The following LUZP2 variants were observed in gnomAD, a reference collection of about 807,000 sequenced individuals.
LUZP2 encodes the protein leucine zipper protein 2.
LUZP2 carries 52 observed loss-of-function variants against 51.6 expected under a neutral mutation model. The observed-to-expected ratio is 1.01, with a 90% CI of 0.81 to 1.27. The LOEUF is 1.27. LUZP2 is among the 50% of genes most tolerant of loss of function. The pLI is 0.00. For missense variants in LUZP2, 436 were observed against 395.4 expected, an observed-to-expected ratio of 1.10 and a Z score of -0.87; for synonymous variants, 154 against 137.3, an observed-to-expected ratio of 1.12 and a Z score of -0.85.
At chr11:24,906,662 A>G (rs1039283857) in intron 6 of LUZP2, among the ~76,000 whole-genome samples, 1 of 152,112 alleles carries the variant, frequency 6.6e-6, no homozygotes, top group Non-Finnish European at 1.5e-5. Context: ...AGTAATATCA[A>G]TGAAATAGGA....
At chr11:24,543,821 C>CAAAAAAA (rs1407050931) in intron 1 of LUZP2, among the ~76,000 whole-genome samples, 1 of 2,768 alleles carries the variant, frequency 3.6e-4, no homozygotes, top group African/African-American at 1.8e-3. Flanking sequence ...GACTCTGTCT[C>CAAAAAAA]ACAAAAAAAA....
chr11:24,815,128 T>G (rs1242532051), intron 5 of LUZP2, among the ~76,000 whole-genome samples: 1 of 152,230 alleles, frequency 6.6e-6, no homozygotes, highest in African/African-American at 2.4e-5. Context: ...AAAATGTAGG[T>G]TTTAATTTGA....
rs1333364790 is a variant in LUZP2 at position 24,926,383 on chromosome 11, ATATATACGTGTG to A, written c.522+11852_522+11863del. On this transcript the variant is annotated intron_variant, in intron 7 of 11. Coordinates refer to ENST00000336930, the MANE Select transcript of LUZP2 (RefSeq NM_001009909.4). ...TGTGTATATATATATACGTGTGTAT[ATATATACGTGTG>A]TATATATATATACGTGTGTATATAT... Among the ~76,000 whole-genome samples the A allele has an allele frequency of 4.9e-3, 317 of 64,300 alleles. 9 individuals carry two copies. The highest frequency in any genetic ancestry group is 0.031 in the South Asian group (63 of 2,038). 42.2% of individuals were successfully genotyped at this position (64,300 alleles called of 152,430 possible).
rs753489930 is a variant in LUZP2, at chr11:24,588,366, A to G, written c.62+91061A>G. ...TTCTCTGAAGCTGCGATTGACCACA[A>G]TGCATGGGCTGAGTGGTCACTTGTG... is the stretch of plus-strand genomic sequence containing the variant. On this transcript the variant is annotated intron_variant, in intron 1 of 11. Transcript: ENST00000336930. 9.8e-4 allele frequency among the ~76,000 whole-genome samples: 149 copies of G among 152,236 alleles called. 1 individual carries two copies. The highest frequency in any genetic ancestry group is 4.3e-4 in the Non-Finnish European group (29 of 68,004).
chr11:25,044,691 C>T lies in LUZP2; in HGVS notation c.766-5347C>T, dbSNP rs555367367. ...TCTAGAACTAGAAATAGCATTTGAC[C>T]CAGCCATCCCATTACTGGGTATATA... is the stretch of plus-strand genomic sequence containing the variant. On this transcript the variant is annotated intron_variant, in intron 9 of 11. Transcript: ENST00000336930. 4.1e-4 allele frequency among the ~76,000 whole-genome samples: 59 copies of T among 145,566 alleles called. 1 individual carries two copies. In the South Asian group the frequency reaches 0.013, roughly 31 times the overall value.
chr11:25,050,043 A>C lies in LUZP2; in HGVS notation c.771A>C (p.Gln257His). Reference protein sequence around the residue: ...LPDAAAKSKPQQSASGNNESS... With the variant: ...LPDAAAKSKPHQSASGNNESS... ...CTCTCTTCGTCTCTTTTAAGCCTCAACAAAGTGCTTCTGGAAACAATGAGA... is the reference window on the plus strand; with the variant it reads ...CTCTCTTCGTCTCTTTTAAGCCTCACCAAAGTGCTTCTGGAAACAATGAGA... The change falls in exon 10 of 12, where the codon CAA becomes CAC. Residue 257 changes from glutamine to histidine, a missense_variant. Physicochemically the swap from Gln to His is conservative, Grantham distance 24 (BLOSUM62 0). Coordinates refer to ENST00000336930, the MANE Select transcript of LUZP2 (RefSeq NM_001009909.4). 1.3e-6 allele frequency: 2 copies of C among 1,588,424 alleles called. No homozygotes were observed. Among genetic ancestry groups the C allele is most frequent in the Non-Finnish European group, 1.7e-6 (2 of 1,167,558 alleles).
intron 1 of LUZP2, among the ~76,000 whole-genome samples, chr11:24,710,635 G>A (rs1483161362): frequency 6.6e-6 from 1 of 152,120 alleles, no homozygotes; most frequent in Non-Finnish European, 1.5e-5. Flanking sequence ...CAATTTCTCT[G>A]TCATGAATTT....
intron 1 of LUZP2, among the ~76,000 whole-genome samples, chr11:24,506,566 T>G (rs1038639615): frequency 6.6e-6 from 1 of 152,102 alleles, no homozygotes; most frequent in Non-Finnish European, 1.5e-5. Flanking sequence ...TATTGAAGTA[T>G]ATCAAATCCC....
chr11:24,614,076 G>A (rs12275242), intron 1 of LUZP2, among the ~76,000 whole-genome samples: 33,308 of 151,756 alleles, frequency 0.22, 4,455 homozygotes, highest in African/African-American at 0.37. Flanking sequence ...AGCACTTGTC[G>A]TATGATTGAC....
At chr11:24,656,784 C>T (rs1321249769) in intron 1 of LUZP2, among the ~76,000 whole-genome samples, 1 of 152,188 alleles carries the variant, frequency 6.6e-6, no homozygotes, top group East Asian at 1.9e-4. Context: ...CCGCTTTGCG[C>T]TCCGAGCCCC....
intron 1 of LUZP2, among the ~76,000 whole-genome samples, chr11:24,708,603 T>C (rs1166310037): frequency 1.3e-5 from 2 of 152,160 alleles, no homozygotes; most frequent in African/African-American, 4.8e-5. Flanking sequence ...GACCCACTTC[T>C]TGTAGGCCTA....
intron 1 of LUZP2, among the ~76,000 whole-genome samples, chr11:24,718,530 T>A (rs538681126): frequency 1.3e-5 from 2 of 152,288 alleles, no homozygotes; most frequent in East Asian, 3.9e-4. Flanking sequence ...GTATTTTGCA[T>A]TATCGCATTT....
At chr11:24,629,213 T>C (rs7115236) in intron 1 of LUZP2, among the ~76,000 whole-genome samples, 71,674 of 151,254 alleles carry the variant, frequency 0.47, 18,009 homozygotes, top group East Asian at 0.58. Flanking sequence ...CATTAAATAT[T>C]TGTTATTACC....
At chr11:24,919,716 T>C (rs940731132) in intron 7 of LUZP2, among the ~76,000 whole-genome samples, 1 of 150,024 alleles carries the variant, frequency 6.7e-6, no homozygotes, top group Admixed American at 6.7e-5. Flanking sequence ...TCCTTTCTTA[T>C]TTTTAACTTG....
At chr11:24,807,393 G>A (rs188691088) in intron 5 of LUZP2, among the ~76,000 whole-genome samples, 94 of 151,736 alleles carry the variant, frequency 6.2e-4, no homozygotes, top group East Asian at 2.0e-3. Flanking sequence ...ATCCGGAGGC[G>A]GAGGTTGCAA....
chr11:24,701,825 G>A (rs950602825), intron 1 of LUZP2, among the ~76,000 whole-genome samples: 1 of 152,034 alleles, frequency 6.6e-6, no homozygotes, highest in Non-Finnish European at 1.5e-5. Flanking sequence ...ACCATCTTAG[G>A]TGTCACCTTA....
intron 7 of LUZP2, among the ~76,000 whole-genome samples, chr11:24,946,281 T>A (rs1245549812): frequency 6.6e-6 from 1 of 152,016 alleles, no homozygotes; most frequent in African/African-American, 2.4e-5. Context: ...TTGGTTTTTG[T>A]TTTATTCAGT....
At chr11:25,076,171 A>G (rs1471904711) in intron 10 of LUZP2, among the ~76,000 whole-genome samples, 1 of 152,038 alleles carries the variant, frequency 6.6e-6, no homozygotes, top group Non-Finnish European at 1.5e-5. Context: ...GGCATGTGCC[A>G]CCACACCCAG....
chr11:24,853,637 C>T (rs2631449), intron 5 of LUZP2, among the ~76,000 whole-genome samples: 23,034 of 151,932 alleles, frequency 0.15, 1,905 homozygotes, highest in African/African-American at 0.2. Context: ...TTGTCAAACT[C>T]ATTCTGCATC....
Sources: gnomAD v4.1 joint callset for allele counts (sites outside exome capture counted in the v4.1 genomes callset) on GRCh38, gnomAD v4.1.1 for gene constraint, MANE v1.5 for transcripts, NCBI Gene and HGNC (gene_info 2026-07-23, HGNC 2026-07-21) for gene names.